CTNNA3: variants seen among roughly 807,000 people sequenced by gnomAD.
CTNNA3 encodes catenin alpha-3.
In CTNNA3, 76 loss-of-function variants were observed where a neutral mutation model predicts 95.7. That is an observed-to-expected ratio of 0.79 (90% CI 0.66 to 0.96). The LOEUF (loss-of-function observed/expected upper bound fraction) is 0.96. CTNNA3 is among the 40% of genes least tolerant of loss of function. The pLI is 0.00. For missense variants in CTNNA3, 1,191 were observed against 1,089.8 expected (o/e 1.09, Z -1.31); for synonymous variants, 431 against 374.4 (o/e 1.15, Z -1.74).
intron 5 of CTNNA3, among the ~76,000 whole-genome samples, chr10:67,497,954 C>A (rs1275816979): frequency 6.6e-6 from 1 of 152,148 alleles, no homozygotes; most frequent in Admixed American, 6.6e-5. Context: ...TCCCATTTGT[C>A]AATTTTGGCT....
At chr10:66,189,802 T>C (rs2086574206) in intron 13 of CTNNA3, among the ~76,000 whole-genome samples, 1 of 151,882 alleles carries the variant, frequency 6.6e-6, no homozygotes, top group Non-Finnish European at 1.5e-5. Context: ...TACTGCCAAG[T>C]ATTCTTTCCT....
intron 15 of CTNNA3, among the ~76,000 whole-genome samples, chr10:66,041,510 A>G (rs1439054538): frequency 1.3e-5 from 2 of 151,858 alleles, no homozygotes; most frequent in East Asian, 1.9e-4. Context: ...TGCTCTCTGC[A>G]TGTTTTTTCT....
chr10:66,836,543 T>C (rs1842893487), intron 7 of CTNNA3, among the ~76,000 whole-genome samples: 1 of 152,100 alleles, frequency 6.6e-6, no homozygotes, highest in Admixed American at 6.6e-5. Flanking sequence ...TAAAAGTAAA[T>C]GGCAAAATAT....
At chr10:67,257,258 T>C (rs908761701) in intron 5 of CTNNA3, among the ~76,000 whole-genome samples, 3 of 151,920 alleles carry the variant, frequency 2.0e-5, no homozygotes, top group African/African-American at 7.3e-5. Flanking sequence ...AGCAGGCTCT[T>C]GGGGAGATAA....
intron 10 of CTNNA3, among the ~76,000 whole-genome samples, chr10:66,607,804 T>C (rs1378823639): frequency 1.3e-5 from 2 of 152,116 alleles, no homozygotes; most frequent in Non-Finnish European, 2.9e-5. Context: ...TACTTCAAAA[T>C]AATAACAGTC....
At chr10:66,949,210 A>G (rs937673989) in intron 7 of CTNNA3, among the ~76,000 whole-genome samples, 5 of 152,222 alleles carry the variant, frequency 3.3e-5, no homozygotes, top group Non-Finnish European at 7.3e-5. Context: ...TAATAAATTT[A>G]CTGAGAAACT....
In CTNNA3 at chr10:66,328,414, GGT is replaced by G. The variant is rs550537390; in HGVS notation, c.1733-47795_1733-47794del. On this transcript the variant is annotated intron_variant, in intron 12 of 17. Coordinates refer to ENST00000433211, the MANE Select transcript of CTNNA3 (RefSeq NM_013266.4). ...GACAAGACACCTGAGCATGCTGAAGGGTACCTAGCTGTGATGTTATTGTGCTC... is the reference window on the plus strand; with the variant it reads ...GACAAGACACCTGAGCATGCTGAAGGACCTAGCTGTGATGTTATTGTGCTC... Among the ~76,000 whole-genome samples the G allele has an allele frequency of 1.6e-4, 25 of 152,032 alleles. No homozygotes were observed. In the South Asian group the frequency reaches 5.2e-3, roughly 32 times the overall value.
At chr10:67,321,682 A>AAGTT (rs1245291825) in intron 5 of CTNNA3, among the ~76,000 whole-genome samples, 1 of 152,190 alleles carries the variant, frequency 6.6e-6, no homozygotes, top group East Asian at 1.9e-4. Flanking sequence ...AACTTTAAAT[A>AAGTT]TCATCTCTAA....
chr10:67,722,460 C>T (rs975529206), intron 1 of CTNNA3, among the ~76,000 whole-genome samples: 1 of 152,128 alleles, frequency 6.6e-6, no homozygotes, highest in African/African-American at 2.4e-5. Flanking sequence ...ATCAAATATA[C>T]AAACAATTCA....
chr10:67,060,472 T>A (rs1365379206), intron 7 of CTNNA3, among the ~76,000 whole-genome samples: 2 of 152,238 alleles, frequency 1.3e-5, no homozygotes, highest in African/African-American at 4.8e-5. Context: ...TTTCCAATTG[T>A]GGCAGAAATA....
At chr10:66,196,916 G>A (rs1422007623) in intron 13 of CTNNA3, among the ~76,000 whole-genome samples, 2 of 152,216 alleles carry the variant, frequency 1.3e-5, no homozygotes, top group Non-Finnish European at 2.9e-5. Context: ...GTAGACAGAT[G>A]AAGCTGAGTA....
chr10:66,474,427 C>T (rs939278023), intron 11 of CTNNA3, among the ~76,000 whole-genome samples: 2 of 152,026 alleles, frequency 1.3e-5, no homozygotes, highest in Admixed American at 1.3e-4. Context: ...ATGTATAACA[C>T]ATTTTCTTTA....
intron 9 of CTNNA3, among the ~76,000 whole-genome samples, chr10:66,739,710 A>G (rs1407042050): frequency 3.3e-5 from 5 of 152,206 alleles, no homozygotes; most frequent in Non-Finnish European, 5.9e-5. Context: ...CGTACTGGCC[A>G]TTATATCTGG....
chr10:66,568,770 C>A (rs1288725178), intron 10 of CTNNA3, among the ~76,000 whole-genome samples: 1 of 151,630 alleles, frequency 6.6e-6, no homozygotes, highest in Non-Finnish European at 1.5e-5. Context: ...CAGATGTTAG[C>A]AGAAACGCAT....
intron 5 of CTNNA3, among the ~76,000 whole-genome samples, chr10:67,462,757 T>C (rs1302676686): frequency 1.3e-5 from 2 of 152,220 alleles, no homozygotes; most frequent in African/African-American, 4.8e-5. Flanking sequence ...ATTTTTATTA[T>C]ACCTGTGTTC....
intron 7 of CTNNA3, among the ~76,000 whole-genome samples, chr10:66,876,021 TG>T (rs1305768517): frequency 1.3e-5 from 2 of 152,140 alleles, no homozygotes; most frequent in Non-Finnish European, 2.9e-5. Context: ...TAAGAAAAAT[TG>T]AGACCATGCC....
chr10:67,325,473 C>T (rs1429388613), intron 5 of CTNNA3, among the ~76,000 whole-genome samples: 2 of 152,116 alleles, frequency 1.3e-5, no homozygotes, highest in Non-Finnish European at 2.9e-5. Flanking sequence ...TTAGTTTCTA[C>T]CTTAATTTCA....
At chr10:67,758,289 TACAC>T (rs760301884) in intron 1 of CTNNA3, among the ~76,000 whole-genome samples, 14 of 139,894 alleles carry the variant, frequency 1.0e-4, no homozygotes, top group Non-Finnish European at 1.7e-4. Context: ...TATATGTATA[TACAC>T]ACACACACAC....
chr10:66,835,368 A>G (rs1290983012), intron 7 of CTNNA3, among the ~76,000 whole-genome samples: 2 of 152,180 alleles, frequency 1.3e-5, no homozygotes, highest in Non-Finnish European at 2.9e-5. Context: ...TAGAAATGCA[A>G]ATTCTCAGGC....
Sources: allele counts gnomAD v4.1 joint callset (sites outside exome capture counted in the v4.1 genomes callset), GRCh38; gene constraint gnomAD v4.1.1; transcripts MANE v1.5; gene names NCBI Gene and HGNC (gene_info 2026-07-23, HGNC 2026-07-21).